EPS8: variants seen among roughly 807,000 people sequenced by gnomAD.
The protein encoded by EPS8 is epidermal growth factor receptor kinase substrate 8.
EPS8 carries 42 observed loss-of-function variants against 103.8 expected under a neutral mutation model. The ratio of observed to expected loss-of-function variants is 0.40; its 90% CI spans 0.32 to 0.52. EPS8 has a LOEUF of 0.52. Among genes scored for constraint, EPS8 ranks in the 20% least tolerant of loss-of-function variants. EPS8 has a pLI of 0.40. For synonymous variants in EPS8, 344 were observed against 344.6 expected, an observed-to-expected ratio of 1.00 and a Z score of 0.02; for missense variants, 969 against 1,005.1, an observed-to-expected ratio of 0.96 and a Z score of 0.49.
intron 1 of EPS8, among the ~76,000 whole-genome samples, chr12:15,692,363 C>G (rs1364351820): frequency 7.0e-6 from 1 of 143,540 alleles, no homozygotes; most frequent in Non-Finnish European, 1.5e-5. Context: ...TTTTGAAGCC[C>G]TTGTGGTTCT....
intron 3 of EPS8, among the ~76,000 whole-genome samples, chr12:15,680,757 G>C (rs1591849856): frequency 6.6e-6 from 1 of 152,096 alleles, no homozygotes; most frequent in African/African-American, 2.4e-5. Flanking sequence ...AATCCAGAGA[G>C]GGCACTGGAA....
intron 1 of EPS8, among the ~76,000 whole-genome samples, chr12:15,750,097 G>A (rs1433546414): frequency 1.3e-5 from 2 of 152,128 alleles, no homozygotes; most frequent in African/African-American, 2.4e-5. Context: ...GGGGAGCCAA[G>A]AGTGACAACG....
Position 15,749,200 on chromosome 12 carries a change from A to T in EPS8, c.-22+39961T>A, listed in dbSNP as rs1013821828. ...GGGCCAATATAGGAAACAAGTAATTAAAAAAAAATTTATTCTGGTTTCCAA... is the reference window on the plus strand; with the variant it reads ...GGGCCAATATAGGAAACAAGTAATTTAAAAAAAATTTATTCTGGTTTCCAA... On this transcript the variant is annotated intron_variant, in intron 1 of 20. Transcript: ENST00000281172. This position sits in a 1 kb window ranked among gnomAD's most constrained non-coding sequence, Gnocchi z 4.0. Among the ~76,000 whole-genome samples, 17 of 151,746 alleles carry T rather than the reference A, an allele frequency of 1.1e-4. No homozygotes were observed. Among genetic ancestry groups the T allele is most frequent in the African/African-American group, 4.1e-4 (17 of 41,312 alleles).
At chr12:15,653,650 T>C (rs1210473692) in intron 13 of EPS8, among the ~76,000 whole-genome samples, 1 of 152,200 alleles carries the variant, frequency 6.6e-6, no homozygotes, top group South Asian at 2.1e-4. Flanking sequence ...CAGAGCTACA[T>C]GGCACGAGTT....
At position 15,658,595 on chromosome 12, in the gene EPS8, T is replaced by C. The variant is rs1206693759; in HGVS notation, c.938-10A>G. 2 of 1,587,932 alleles carry C rather than the reference T, an allele frequency of 1.3e-6. No homozygotes were observed. The highest frequency in any genetic ancestry group is 1.1e-5 in the South Asian group (1 of 90,352). ...AGCGTTAAAACACCCTCTAATGAAATAAGCGAGAGGAGAGGATCAGAGCAA... is the reference window on the plus strand; with the variant it reads ...AGCGTTAAAACACCCTCTAATGAAACAAGCGAGAGGAGAGGATCAGAGCAA... On this transcript the variant is annotated splice_polypyrimidine_tract_variant and intron_variant, in intron 10 of 20. Transcript: ENST00000281172.
rs945974291 is a variant in EPS8, at chr12:15,751,411, T to A, written c.-22+37750A>T. Among the ~76,000 whole-genome samples the A allele has an allele frequency of 6.6e-6, 1 of 152,164 alleles. No individual in the cohort carries two copies. The highest frequency in any genetic ancestry group is 2.4e-5 in the African/African-American group (1 of 41,430). ...TTCTGCCTTCTAGCCTCAACGCCAC[T>A]GATCCCAACATTTATTCATTCATTT... On this transcript the variant is annotated intron_variant, in intron 1 of 20. Coordinates refer to ENST00000281172, the MANE Select transcript of EPS8 (RefSeq NM_004447.6). The surrounding 1 kb of genome is among the most constrained non-coding windows in gnomAD (Gnocchi z 4.3).
rs1222870385 is a variant in EPS8 at position 15,666,477 on chromosome 12, T to C, written c.562A>G (p.Lys188Glu). 5 of 1,613,910 alleles carry C rather than the reference T, an allele frequency of 3.1e-6. No homozygotes were observed. The highest frequency in any genetic ancestry group is 4.2e-6 in the Non-Finnish European group (5 of 1,179,900). The change falls in exon 7 of 21, where the codon AAA becomes GAA. Residue 188 changes from lysine (K) to glutamate (E), a missense_variant. Lys to Glu is a moderately conservative substitution (Grantham distance 56). Coordinates refer to ENST00000281172, the MANE Select transcript of EPS8 (RefSeq NM_004447.6). Reference sequence around the variant, plus strand: ...GGCCGCCTCTTCTGTTTCCCTCCTTTACTGTCACTGATTGCACTTTCAATA... The same window carrying C: ...GGCCGCCTCTTCTGTTTCCCTCCTTCACTGTCACTGATTGCACTTTCAATA... ...EDIESAISDS[K>E]GGKQKRRPDA...
At chr12:15,662,382 T>C in intron 8 of EPS8, 2 of 1,149,326 alleles carry the variant, frequency 1.7e-6, no homozygotes, top group Non-Finnish European at 2.1e-6. Context: ...CAGCTACCTG[T>C]AGAACCAACC....
At chr12:15,685,531 A>C (rs1946081430) in intron 1 of EPS8, among the ~76,000 whole-genome samples, 1 of 152,190 alleles carries the variant, frequency 6.6e-6, no homozygotes, top group Non-Finnish European at 1.5e-5. Context: ...ATTCTTCATG[A>C]CAATCAAATA....
At chr12:15,673,309 A>G (rs920594753) in intron 3 of EPS8, among the ~76,000 whole-genome samples, 1 of 151,662 alleles carries the variant, frequency 6.6e-6, no homozygotes, top group Non-Finnish European at 1.5e-5. Context: ...AATGCCATAA[A>G]TGGACTTATA....
Position 15,767,248 on chromosome 12 carries a change from T to C in EPS8, c.-22+21913A>G, listed in dbSNP as rs752133629. The stretch of plus-strand genomic sequence containing the variant: ...AGAAGTTTACAAATTGGAAGGTAAA[T>C]TAAATATGGACAGAACAACAGAGTT... On this transcript the variant is annotated intron_variant, in intron 1 of 20. Transcript: ENST00000281172. This position sits in a 1 kb window ranked among gnomAD's most constrained non-coding sequence, Gnocchi z 5.5. Among the ~76,000 whole-genome samples the C allele has an allele frequency of 1.7e-4, 26 of 152,212 alleles. No homozygotes were observed. The highest frequency in any genetic ancestry group is 3.7e-4 in the Non-Finnish European group (25 of 68,032).
chr12:15,741,639 T>C (rs181093907), intron 1 of EPS8, among the ~76,000 whole-genome samples: 19 of 152,292 alleles, frequency 1.2e-4, no homozygotes, highest in Non-Finnish European at 2.4e-4. Flanking sequence ...AAGCGTAAAG[T>C]CCACTGGGAA....
Position 15,780,224 on chromosome 12 carries a change from A to T in EPS8, c.-22+8937T>A, listed in dbSNP as rs1947246014. The T allele has an allele frequency of 6.6e-6, 1 of 151,912 alleles. No individual in the cohort carries two copies. The highest frequency in any genetic ancestry group is 6.6e-5 in the Admixed American group (1 of 15,260). 9.4% of individuals were successfully genotyped at this position (151,912 alleles called of 1,614,324 possible). ...GTATTGTTACTTACAAAAATGAAAA[A>T]TAACTGCTCATTCAGTTCTTTCTAA... On this transcript the variant is annotated intron_variant, in intron 1 of 20. Transcript: ENST00000281172. This position sits in a 1 kb window ranked among gnomAD's most constrained non-coding sequence, Gnocchi z 4.1.
intron 8 of EPS8, among the ~76,000 whole-genome samples, chr12:15,663,976 T>TATATACAC (rs35142421): frequency 1.2e-3 from 130 of 104,434 alleles, no homozygotes; most frequent in South Asian, 3.0e-3. Context: ...TATATATATA[T>TATATACAC]ACACACACAC....
In EPS8 at chr12:15,731,739, A is replaced by G. The variant is rs1337638759; in HGVS notation, c.-21-48767T>C. Reference sequence around the variant, plus strand: ...TTCATTTTGTCTTCGTGTAAGGGTCAATAATTTCAATCATCCCCCAAACTG... The same window carrying G: ...TTCATTTTGTCTTCGTGTAAGGGTCGATAATTTCAATCATCCCCCAAACTG... On this transcript the variant is annotated intron_variant, in intron 1 of 20. Transcript: ENST00000281172. This position sits in a 1 kb window ranked among gnomAD's most constrained non-coding sequence, Gnocchi z 5.1. Among the ~76,000 whole-genome samples, 2 of 152,212 alleles carry G rather than the reference A, an allele frequency of 1.3e-5. No individual in the cohort carries two copies. Among genetic ancestry groups the G allele is most frequent in the African/African-American group, 2.4e-5 (1 of 41,450 alleles).
rs1377779632 is a variant in EPS8 at position 15,666,502 on chromosome 12, A to G, written c.537T>C (p.Asp179=). Residue 179 remains aspartate, a synonymous_variant, in exon 7 of 21, where the codon GAT becomes GAC. Transcript: ENST00000281172. ...DEVKANLISE[D]IESAISDSKG... ...TACTGTCACTGATTGCACTTTCAAT[A>G]TCTTCACTAATTAGGTTTGCCTGCA... 6.2e-7 allele frequency: 1 copy of G among 1,613,784 alleles called. No homozygotes were observed. The highest frequency in any genetic ancestry group is 8.5e-7 in the Non-Finnish European group (1 of 1,179,702).
intron 10 of EPS8, 28 bp from the exon 11 acceptor site, chr12:15,658,613 C>T: frequency 6.9e-7 from 1 of 1,453,304 alleles, no homozygotes; most frequent in Non-Finnish European, 9.6e-7. Context: ...AGGAGAGGAT[C>T]AGAGCAAAAT....
At chr12:15,715,394 C>CT (rs3086457) in intron 1 of EPS8, among the ~76,000 whole-genome samples, 4,591 of 127,088 alleles carry the variant, frequency 0.036, 460 homozygotes, top group African/African-American at 0.11. Context: ...CTTTACTTTT[C>CT]TTTTTTTTTT....
At chr12:15,627,977 C>T (rs1029358769) in intron 18 of EPS8, among the ~76,000 whole-genome samples, 1 of 151,704 alleles carries the variant, frequency 6.6e-6, no homozygotes, top group Non-Finnish European at 1.5e-5. Flanking sequence ...GTGTTTGGTG[C>T]CCCTGGGAAA....
Sources: allele counts gnomAD v4.1 joint callset (sites outside exome capture counted in the v4.1 genomes callset), GRCh38; gene constraint gnomAD v4.1.1; non-coding constraint Gnocchi (gnomAD v3.1); transcripts MANE v1.5; gene names NCBI Gene and HGNC (gene_info 2026-07-23, HGNC 2026-07-21).